MACF1: variants seen among roughly 807,000 people sequenced by gnomAD.
The protein encoded by MACF1 is microtubule-actin cross-linking factor 1.
MACF1 carries 193 observed loss-of-function variants against 854.8 expected under a neutral mutation model. That is an observed-to-expected ratio of 0.23 (90% CI 0.20 to 0.25). The LOEUF (loss-of-function observed/expected upper bound fraction) is 0.25, where lower values mean the gene tolerates loss of function less well. Among genes scored for constraint, MACF1 ranks in the 10% least tolerant of loss-of-function variants. The pLI is 1.00. For synonymous variants in MACF1, 3,185 were observed against 3,226.7 expected (o/e 0.99, Z 0.44); for missense variants, 7,722 against 8,929.1 (o/e 0.86, Z 5.45).
chr1:39,361,732 G>A (rs2148519805), intron 49 of MACF1, 55 bp downstream of exon 49: 1 of 1,564,574 alleles, frequency 6.4e-7, no homozygotes, highest in Non-Finnish European at 8.8e-7. Context: ...GGCAGGGAGA[G>A]AACCAGCATT....
chr1:39,438,685 G>GGAGAATCGCTTGAAC (rs1644033682), intron 71 of MACF1, among the ~76,000 whole-genome samples: 1 of 152,170 alleles, frequency 6.6e-6, no homozygotes, highest in Non-Finnish European at 1.5e-5. Context: ...GGCTGAGGCA[G>GGAGAATCGCTTGAAC]GAGAATCGCT....
chr1:39,183,337 A>T (rs1644127635), intron 2 of MACF1, among the ~76,000 whole-genome samples: 1 of 152,206 alleles, frequency 6.6e-6, no homozygotes, highest in Admixed American at 6.5e-5. Flanking sequence ...TTACCTAAAA[A>T]GGGTGAATTT....
chr1:39,448,615 G>C lies in MACF1; in HGVS notation c.20110G>C (p.Gly6704Arg). The stretch of plus-strand genomic sequence containing the variant: ...ATAGGAGTTTCAGAAGACTCTTGGT[G>C]GCAAGCAGCCTGTGTATGATACCAC... ...KHKEFQKTLG[G>R]KQPVYDTTIR... Residue 6704 changes from glycine to arginine, a missense_variant, in exon 84 of 101, where the codon GGC becomes CGC. Transcript: ENST00000564288. 4 of 1,564,104 alleles carry C rather than the reference G, an allele frequency of 2.6e-6. No individual in the cohort carries two copies. Among genetic ancestry groups the C allele is most frequent in the Non-Finnish European group, 3.5e-6 (4 of 1,153,120 alleles).
chr1:39,422,291 GC>G (rs1643572100), intron 58 of MACF1, 82 bp from the exon 59 acceptor site: 1 of 1,047,420 alleles, frequency 9.5e-7, no homozygotes, highest in Admixed American at 2.4e-5. Flanking sequence ...AGTCATAAAT[GC>G]CCCAAGAATA....
At chr1:39,101,184 C>T (rs2148131069) in intron 2 of MACF1, among the ~76,000 whole-genome samples, 1 of 151,624 alleles carries the variant, frequency 6.6e-6, no homozygotes, top group Admixed American at 6.6e-5. Context: ...AGGTGAAACC[C>T]CATCTCTACT....
At position 39,424,189 on chromosome 1, in the gene MACF1, A is replaced by G. The variant is rs1469681814; in HGVS notation, c.16311A>G (p.Ala5437=). The G allele has an allele frequency of 6.8e-6, 11 of 1,613,066 alleles. No homozygotes were observed. The highest frequency in any genetic ancestry group is 9.3e-6 in the Non-Finnish European group (11 of 1,179,568). The change falls in exon 61 of 101, where the codon GCA becomes GCG. Residue 5437 remains alanine, a synonymous_variant. Coordinates refer to ENST00000564288, the MANE Select transcript of MACF1 (RefSeq NM_001394062.1). ...GGACTGAACTACTCAGTAAGGCAGC[A>G]GCCAGGTAAGATCAAAGGAATTTTG... The part of the protein sequence containing the change: ...SRWTELLSKA[A]ARQKQLEDIL...
chr1:39,125,684 C>A (rs1642841510), intron 2 of MACF1, among the ~76,000 whole-genome samples: 1 of 152,152 alleles, frequency 6.6e-6, no homozygotes, highest in South Asian at 2.1e-4. Flanking sequence ...AATAATCCAT[C>A]TTTTTGATTT....
chr1:39,308,613 A>C (rs1164298521), intron 23 of MACF1, among the ~76,000 whole-genome samples: 1 of 151,732 alleles, frequency 6.6e-6, no homozygotes, highest in Non-Finnish European at 1.5e-5. Context: ...ATTAGACATG[A>C]GATGCTTGGG....
chr1:39,450,699 C>A (rs1454898124), intron 84 of MACF1, among the ~76,000 whole-genome samples: 1 of 148,470 alleles, frequency 6.7e-6, no homozygotes, highest in Non-Finnish European at 1.5e-5. Context: ...GCAAGCTCTG[C>A]CTCCCGGGTT....
chr1:39,387,073 G>A (rs968132328), intron 57 of MACF1, 114 bp from the exon 58 acceptor site: 13 of 1,125,966 alleles, frequency 1.2e-5, no homozygotes, highest in Admixed American at 2.4e-5. Context: ...TTTTTGGTAG[G>A]CCCTCAAGTA....
At position 39,352,777 on chromosome 1, in the gene MACF1, C is replaced by CTT. The variant is rs1327220319; in HGVS notation, c.11200-218_11200-217dup. On this transcript the variant is annotated intron_variant, in intron 43 of 100. Transcript: ENST00000564288. ...TGAAGTGAGCCACTGTGTCCTGCCT[C>CTT]TTTTTTTTTTTTTAAAGCAGTAAGA... 6.2e-4 allele frequency among the ~76,000 whole-genome samples: 88 copies of CTT among 141,144 alleles called. 2 individuals are homozygous for CTT. The South Asian group carries it at 0.015, about 24-fold the overall frequency. 92.6% of individuals were successfully genotyped at this position (141,144 alleles called of 152,430 possible). A position where few individuals can be genotyped will look rare whatever the true frequency, so the allele number is the denominator to read the frequency against.
At chr1:39,356,376 A>AT (rs370740349) in intron 44 of MACF1, among the ~76,000 whole-genome samples, 18,921 of 143,848 alleles carry the variant, frequency 0.13, 1,292 homozygotes, top group African/African-American at 0.18. Context: ...AAGAACTTGC[A>AT]TTTTTTTTTT....
chr1:39,278,294 T>C (rs1645476261), intron 6 of MACF1, among the ~76,000 whole-genome samples: 1 of 152,226 alleles, frequency 6.6e-6, no homozygotes, highest in Admixed American at 6.5e-5. Flanking sequence ...GAGATGGTTG[T>C]GATGATAATC....
intron 6 of MACF1, 133 bp from the exon 7 acceptor site, chr1:39,282,075 G>A: frequency 1.4e-6 from 1 of 727,226 alleles, no homozygotes; most frequent in Non-Finnish European, 2.2e-6. Context: ...GGGAATATAT[G>A]TTGGAATAGT....
chr1:39,256,506 C>T (rs1645098335), intron 5 of MACF1, among the ~76,000 whole-genome samples: 1 of 152,056 alleles, frequency 6.6e-6, no homozygotes, highest in East Asian at 1.9e-4. Context: ...TGGAGACACA[C>T]AAGTTTCAGT....
chr1:39,270,418 A>C (rs1010581394), intron 6 of MACF1, among the ~76,000 whole-genome samples: 1 of 152,166 alleles, frequency 6.6e-6, no homozygotes, highest in Non-Finnish European at 1.5e-5. Flanking sequence ...TTAGGGCTTT[A>C]ACATGATTTT....
chr1:39,437,300 G>GTTT (rs999593590), intron 70 of MACF1, among the ~76,000 whole-genome samples: 3 of 145,264 alleles, frequency 2.1e-5, no homozygotes, highest in Non-Finnish European at 4.6e-5. Context: ...TTTTGTTGTT[G>GTTT]TTTTTTTCTT....
At chr1:39,098,425 C>A (rs1228093055) in intron 2 of MACF1, among the ~76,000 whole-genome samples, 1 of 152,234 alleles carries the variant, frequency 6.6e-6, no homozygotes, top group East Asian at 1.9e-4. Context: ...CCACTGCCTC[C>A]CCCATTACAA....
At chr1:39,133,237 C>T (rs1469692799) in intron 2 of MACF1, among the ~76,000 whole-genome samples, 3 of 152,144 alleles carry the variant, frequency 2.0e-5, no homozygotes, top group African/African-American at 4.8e-5. Context: ...GTGGTGGGAG[C>T]TGGTTGCTAA....
Sources: gnomAD v4.1 joint callset for allele counts (sites outside exome capture counted in the v4.1 genomes callset) on GRCh38, gnomAD v4.1.1 for gene constraint, MANE v1.5 for transcripts, NCBI Gene and HGNC (gene_info 2026-07-23, HGNC 2026-07-21) for gene names.